The following DOCK2 variants were observed in gnomAD, a reference collection of about 807,000 sequenced individuals.
The protein encoded by DOCK2 is dedicator of cytokinesis 2.
A neutral mutation model predicts 248.9 loss-of-function variants in DOCK2; 87 were observed. The ratio of observed to expected loss-of-function variants is 0.35; its 90% CI spans 0.29 to 0.42. DOCK2 has a LOEUF of 0.42. Among genes scored for constraint, DOCK2 ranks in the 10% least tolerant of loss-of-function variants. DOCK2 has a pLI of 1.00. For synonymous variants in DOCK2, 805 were observed against 821.6 expected (o/e 0.98, Z 0.35); for missense variants, 1,747 against 2,300.2 (o/e 0.76, Z 4.92).
At chr5:169,811,502 G>A (rs968833017) in intron 26 of DOCK2, among the ~76,000 whole-genome samples, 1 of 152,174 alleles carries the variant, frequency 6.6e-6, no homozygotes, top group African/African-American at 2.4e-5. Context: ...CAAACCTGAG[G>A]TTGAAATACA....
chr5:169,675,344 C>T (rs868209117), intron 6 of DOCK2, among the ~76,000 whole-genome samples: 12 of 152,154 alleles, frequency 7.9e-5, no homozygotes, highest in African/African-American at 2.9e-4. Context: ...GGCTTCCAAA[C>T]ATTCTGTTCA....
At chr5:169,926,674 A>G (rs1442203865) in intron 27 of DOCK2, among the ~76,000 whole-genome samples, 1 of 152,238 alleles carries the variant, frequency 6.6e-6, no homozygotes, top group Non-Finnish European at 1.5e-5. Context: ...GCATAGGACT[A>G]GAGGGGGCCT....
At chr5:169,819,036 A>C (rs1025363816) in intron 26 of DOCK2, among the ~76,000 whole-genome samples, 6 of 152,236 alleles carry the variant, frequency 3.9e-5, no homozygotes, top group South Asian at 4.1e-4. Flanking sequence ...CAAATGTATT[A>C]GTAGAAATGC....
chr5:169,712,260 G>C (rs376876197), intron 17 of DOCK2, 37 bp downstream of exon 17: 17 of 1,599,308 alleles, frequency 1.1e-5, no homozygotes, highest in Admixed American at 1.7e-5. Context: ...ACTGAGGGGA[G>C]TGCAGGAAGA....
At chr5:169,742,786 C>A (rs781300515) in intron 22 of DOCK2, among the ~76,000 whole-genome samples, 3 of 152,174 alleles carry the variant, frequency 2.0e-5, no homozygotes, top group Admixed American at 1.3e-4. Flanking sequence ...AGTGAGTGCT[C>A]AGCTGTGCAC....
At chr5:169,686,430 T>C (rs888483999) in intron 8 of DOCK2, among the ~76,000 whole-genome samples, 1 of 151,992 alleles carries the variant, frequency 6.6e-6, no homozygotes, top group African/African-American at 2.4e-5. Flanking sequence ...CTGAGTGACA[T>C]CTCTGAGAGT....
intron 32 of DOCK2, 27 bp from the exon 33 acceptor site, chr5:170,018,933 T>C: frequency 6.2e-7 from 1 of 1,611,780 alleles, no homozygotes; most frequent in Non-Finnish European, 8.5e-7. Flanking sequence ...AACTGTTTTA[T>C]GTGTTCATGT....
chr5:169,747,162 T>C (rs1763657856), intron 22 of DOCK2, among the ~76,000 whole-genome samples: 1 of 152,184 alleles, frequency 6.6e-6, no homozygotes, highest in East Asian at 1.9e-4. Flanking sequence ...TTTAAAAAAA[T>C]ACGGCAGAAG....
At chr5:170,018,783 G>A (rs993807621) in intron 32 of DOCK2, among the ~76,000 whole-genome samples, 177 bp from the exon 33 acceptor site, 20 of 152,300 alleles carry the variant, frequency 1.3e-4, no homozygotes, top group African/African-American at 4.8e-4. Context: ...GCTCTAACGG[G>A]AGTTAATATA....
intron 22 of DOCK2, among the ~76,000 whole-genome samples, chr5:169,719,486 A>C (rs1762078252): frequency 6.6e-6 from 1 of 152,254 alleles, no homozygotes; most frequent in African/African-American, 2.4e-5. Flanking sequence ...TTCTTAGTGC[A>C]AACAAAGAAC....
intron 27 of DOCK2, among the ~76,000 whole-genome samples, chr5:169,935,078 G>A (rs6895199): frequency 0.3 from 45,254 of 152,018 alleles, 6,563 homozygotes; most frequent in Middle Eastern, 0.37. Flanking sequence ...CACGTGGGCA[G>A]GAAGCTAAGC....
chr5:170,046,024 G>A, intron 39 of DOCK2, 119 bp downstream of exon 39: 1 of 890,706 alleles, frequency 1.1e-6, no homozygotes, highest in Non-Finnish European at 1.8e-6. Context: ...AATAGAAAAT[G>A]AACGGAAGTA....
At chr5:169,892,000 AAAAAAAAAAAAAG>A (rs1773321045) in intron 27 of DOCK2, among the ~76,000 whole-genome samples, 1 of 150,770 alleles carries the variant, frequency 6.6e-6, no homozygotes, top group African/African-American at 2.4e-5. Flanking sequence ...CGTCCCAAAA[AAAAAAAAAAAAAG>A]AAAAAGAAAA....
intron 43 of DOCK2, chr5:170,057,279 G>A (rs1296200784): frequency 4.5e-6 from 2 of 440,666 alleles, no homozygotes; most frequent in East Asian, 9.8e-5. Flanking sequence ...TGAACACTGG[G>A]AACCCTTCCC....
At position 169,654,458 on chromosome 5, in the gene DOCK2, T is replaced by C. The variant is rs374789654; in HGVS notation, c.99T>C (p.Asp33=). 1.2e-6 allele frequency: 2 copies of C among 1,614,144 alleles called. No homozygotes were observed. The highest frequency in any genetic ancestry group is 1.7e-6 in the Non-Finnish European group (2 of 1,180,020). ...CCCAGCTCTCCCTGCAGATCGGCGATGTGGTGCGAATACAGGAGACGTGTG... is the reference window on the plus strand; with the variant it reads ...CCCAGCTCTCCCTGCAGATCGGCGACGTGGTGCGAATACAGGAGACGTGTG... ...GAPQLSLQIG[D]VVRIQETCGD... The change falls in exon 2 of 52, where the codon GAT becomes GAC. Residue 33 remains aspartate, a synonymous_variant. Coordinates refer to ENST00000520908, the MANE Select transcript of DOCK2 (RefSeq NM_004946.3).
At chr5:169,790,254 A>G (rs1357491095) in intron 25 of DOCK2, among the ~76,000 whole-genome samples, 1 of 152,230 alleles carries the variant, frequency 6.6e-6, no homozygotes. Flanking sequence ...ATATTGATTC[A>G]AAACATTGCT....
chr5:169,856,380 G>A (rs1770895988), intron 27 of DOCK2, among the ~76,000 whole-genome samples: 1 of 152,158 alleles, frequency 6.6e-6, no homozygotes, highest in Non-Finnish European at 1.5e-5. Flanking sequence ...ACCTGGCAGA[G>A]ATAAGGGGCT....
chr5:169,750,108 A>G (rs264884), intron 23 of DOCK2, among the ~76,000 whole-genome samples: 18,152 of 152,262 alleles, frequency 0.12, 1,449 homozygotes, highest in African/African-American at 0.22. Context: ...GAGCCAATAG[A>G]TAAAGCCAGT....
intron 46 of DOCK2, among the ~76,000 whole-genome samples, chr5:170,070,551 G>T (rs1240416172): frequency 6.6e-6 from 1 of 152,124 alleles, no homozygotes. Flanking sequence ...CAGCCTTCTG[G>T]GGTCGTCATG....
Sources: gnomAD v4.1 joint callset for allele counts (sites outside exome capture counted in the v4.1 genomes callset) on GRCh38, gnomAD v4.1.1 for gene constraint, MANE v1.5 for transcripts, NCBI Gene and HGNC (gene_info 2026-07-23, HGNC 2026-07-21) for gene names.